FARP2: variants seen among roughly 807,000 people sequenced by gnomAD.
FARP2 encodes the protein FERM, ARHGEF and pleckstrin domain-containing protein 2.
A neutral mutation model predicts 130.5 loss-of-function variants in FARP2; 111 were observed. The observed-to-expected ratio is 0.85, with a 90% confidence interval of 0.73 to 1.00. The LOEUF is 1.00. Among genes scored for constraint, FARP2 ranks in the 50% least tolerant of loss-of-function variants. The pLI, the probability that FARP2 is intolerant of heterozygous loss-of-function variation, is 0.00. For synonymous variants in FARP2, 504 were observed against 516.9 expected (o/e 0.98, Z 0.34); for missense variants, 1,385 against 1,346.3 (o/e 1.03, Z -0.45).
Position 241,441,455 on chromosome 2 carries a change from T to C in FARP2, c.1310T>C (p.Val437Ala). The C allele has an allele frequency of 6.2e-7, 1 of 1,614,158 alleles. No homozygotes were observed. Among genetic ancestry groups the C allele is most frequent in the Non-Finnish European group, 8.5e-7 (1 of 1,180,036 alleles). Residue 437 changes from valine (V) to alanine (A), a missense_variant, in exon 13 of 27, where the codon GTC (valine) becomes GCC (alanine). Transcript: ENST00000264042. ...SSLTDPQVSY[V>A]KSPAAERRSG... ...CTCACAGATCCCCAGGTTTCCTACG[T>C]CAAGAGTCCAGCTGCAGAGAGGCGC... is the stretch of plus-strand genomic sequence containing the variant.
At chr2:241,440,332 G>GC (rs2063349834) in intron 12 of FARP2, among the ~76,000 whole-genome samples, 1 of 152,192 alleles carries the variant, frequency 6.6e-6, no homozygotes, top group Admixed American at 6.5e-5. Flanking sequence ...CCGTGATAGC[G>GC]CGCGAGGAGT....
chr2:241,415,769 G>A (rs2062647436), intron 7 of FARP2, among the ~76,000 whole-genome samples: 2 of 152,228 alleles, frequency 1.3e-5, no homozygotes. Context: ...ACAGCCTCTT[G>A]TGTGGAGACT....
At chr2:241,427,860 G>C (rs2062986201) in intron 8 of FARP2, among the ~76,000 whole-genome samples, 1 of 152,082 alleles carries the variant, frequency 6.6e-6, no homozygotes, top group South Asian at 2.1e-4. Flanking sequence ...CCGCCTCCCA[G>C]CTTCAAGCGA....
chr2:241,410,644 G>A (rs1340334493), intron 5 of FARP2, among the ~76,000 whole-genome samples: 1 of 152,002 alleles, frequency 6.6e-6, no homozygotes, highest in Non-Finnish European at 1.5e-5. Flanking sequence ...TGGTCAGGCT[G>A]GTCTCGAACT....
At chr2:241,367,735 C>G (rs1027389913) in intron 1 of FARP2, among the ~76,000 whole-genome samples, 3 of 151,874 alleles carry the variant, frequency 2.0e-5, no homozygotes, top group African/African-American at 7.3e-5. Context: ...AGCCTCTACC[C>G]GTTACTGTGG....
intron 2 of FARP2, among the ~76,000 whole-genome samples, chr2:241,390,100 T>A (rs1302999260): frequency 1.3e-5 from 2 of 152,230 alleles, no homozygotes; most frequent in African/African-American, 4.8e-5. Flanking sequence ...TCACCTTTGA[T>A]AAGTGTTCTT....
At chr2:241,471,689 G>A (rs1057099280) in intron 18 of FARP2, among the ~76,000 whole-genome samples, 4 of 151,814 alleles carry the variant, frequency 2.6e-5, no homozygotes, top group Admixed American at 2.0e-4. Context: ...TAGAGACGGG[G>A]TTTCACCGTG....
At chr2:241,428,045 C>T (rs60194488) in intron 8 of FARP2, among the ~76,000 whole-genome samples, 3,440 of 152,166 alleles carry the variant, frequency 0.023, 114 homozygotes, top group African/African-American at 0.072. Context: ...GGATTACAGG[C>T]ATGAGCCACC....
intron 17 of FARP2, chr2:241,466,168 G>T: frequency 2.8e-6 from 3 of 1,057,888 alleles, no homozygotes; most frequent in Non-Finnish European, 3.4e-6. Context: ...CCCAGGTTGG[G>T]ATCAGGGACC....
intron 19 of FARP2, 59 bp downstream of exon 19, chr2:241,476,046 T>A: frequency 6.7e-7 from 1 of 1,501,518 alleles, no homozygotes; most frequent in Non-Finnish European, 9.1e-7. Context: ...AATTGAGATA[T>A]AATTTACATA....
intron 5 of FARP2, among the ~76,000 whole-genome samples, chr2:241,409,281 G>A (rs1326549742): frequency 2.0e-5 from 3 of 152,030 alleles, no homozygotes; most frequent in Non-Finnish European, 4.4e-5. Flanking sequence ...CAGGTGCAAC[G>A]GCTCACACCT....
At chr2:241,387,610 G>T (rs1023428303) in intron 2 of FARP2, among the ~76,000 whole-genome samples, 3 of 152,018 alleles carry the variant, frequency 2.0e-5, no homozygotes, top group Middle Eastern at 3.4e-3. Flanking sequence ...TGGCTAACAC[G>T]GTGAAACCCC....
Position 241,402,878 on chromosome 2 carries a change from ATATTTTTTTT to A in FARP2, c.184-948_184-939del, listed in dbSNP as rs2062228258. ...TATATATATATATATATATATATAT[ATATTTTTTTT>A]TTTTTTTTTTTTTTTTTTTTTTTGT... On this transcript the variant is annotated intron_variant, in intron 2 of 26. Coordinates refer to ENST00000264042, the MANE Select transcript of FARP2 (RefSeq NM_014808.4). Among the ~76,000 whole-genome samples the A allele has an allele frequency of 1.7e-3, 14 of 8,464 alleles. No homozygotes were observed. In the Admixed American group the frequency reaches 0.024, roughly 14 times the overall value. The allele number at this position is 8,464 out of a possible 152,430, so 5.6% of individuals were successfully genotyped here.
intron 2 of FARP2, among the ~76,000 whole-genome samples, chr2:241,391,338 G>A (rs777478774): frequency 2.0e-5 from 3 of 152,232 alleles, no homozygotes; most frequent in Non-Finnish European, 4.4e-5. Flanking sequence ...GTCTGCAAAT[G>A]TGCTGGGAAG....
At chr2:241,408,404 G>A (rs758235187) in intron 5 of FARP2, among the ~76,000 whole-genome samples, 12 of 151,666 alleles carry the variant, frequency 7.9e-5, no homozygotes, top group Non-Finnish European at 1.6e-4. Context: ...TTATCCAGGC[G>A]TGGTGGCAGG....
At chr2:241,365,067 A>C (rs564872830) in intron 1 of FARP2, among the ~76,000 whole-genome samples, 20 of 152,340 alleles carry the variant, frequency 1.3e-4, no homozygotes, top group African/African-American at 4.8e-4. Context: ...GATTTCATAA[A>C]GTAGGAGCTT....
intron 17 of FARP2, chr2:241,466,009 A>G (rs2150481678): frequency 7.4e-7 from 1 of 1,354,382 alleles, no homozygotes; most frequent in Non-Finnish European, 9.5e-7. Flanking sequence ...ATTGAAATAT[A>G]CACAAATCTG....
intron 8 of FARP2, among the ~76,000 whole-genome samples, chr2:241,419,646 G>A (rs2062758031): frequency 6.6e-6 from 1 of 152,198 alleles, no homozygotes; most frequent in Non-Finnish European, 1.5e-5. Context: ...TGACTTTGCA[G>A]AGTAGGGAAG....
intron 13 of FARP2, among the ~76,000 whole-genome samples, chr2:241,449,008 A>G (rs146917823): frequency 5.7e-4 from 86 of 152,184 alleles, no homozygotes; most frequent in African/African-American, 2.0e-3. Flanking sequence ...CCATTTTTCT[A>G]TCTCCCGCTT....
Sources: allele counts gnomAD v4.1 joint callset (sites outside exome capture counted in the v4.1 genomes callset), GRCh38; gene constraint gnomAD v4.1.1; transcripts MANE v1.5; gene names NCBI Gene and HGNC (gene_info 2026-07-23, HGNC 2026-07-21).